Variants in SIRPA observed in about 807,000 individuals in gnomAD.
SIRPA encodes the protein signal regulatory protein alpha, also known as tyrosine-protein phosphatase non-receptor type substrate 1.
A neutral mutation model predicts 50.3 loss-of-function variants in SIRPA; 9 were observed. The observed-to-expected ratio is 0.18, with a 90% confidence interval of 0.11 to 0.31. SIRPA has a LOEUF of 0.31. Among genes scored for constraint, SIRPA ranks in the 10% least tolerant of loss-of-function variants. The pLI is 1.00. For synonymous variants in SIRPA, 265 were observed against 284.1 expected (o/e 0.93, Z 0.68); for missense variants, 474 against 661.6 (o/e 0.72, Z 3.11).
In SIRPA at chr20:1,920,440, G is replaced by A. The variant is rs573032085; in HGVS notation, c.437-955G>A. Among the ~76,000 whole-genome samples the A allele has an allele frequency of 2.3e-4, 35 of 152,306 alleles. No individual in the cohort carries two copies. In the South Asian group the frequency reaches 5.4e-3, roughly 23 times the overall value. ...ATTAGCAATTTGGAGACACGTTTACGACCCATCTGCAGGGAGAAACAGCCC... is the reference window on the plus strand; with the variant it reads ...ATTAGCAATTTGGAGACACGTTTACAACCCATCTGCAGGGAGAAACAGCCC... On this transcript the variant is annotated intron_variant, in intron 2 of 7. Transcript: ENST00000358771.
At chr20:1,915,482 C>G in intron 2 of SIRPA, 27 bp downstream of exon 2, 3 of 1,612,522 alleles carry the variant, frequency 1.9e-6, no homozygotes, top group South Asian at 1.1e-5. Flanking sequence ...CCTCCTTTGC[C>G]TCTGGTTTGT....
In SIRPA at chr20:1,921,552, G is replaced by C; in HGVS notation, c.594G>C (p.Val198=). ...GNELSDFQTN[V]DPVGESVSYS... is the part of the protein sequence containing the mutation. The stretch of plus-strand genomic sequence containing the variant: ...AGCTCTCAGACTTCCAGACCAACGT[G>C]GACCCCGTAGGAGAGAGCGTGTCCT... The change falls in exon 3 of 8, where the codon GTG becomes GTC. Residue 198 remains valine, a synonymous_variant. Coordinates refer to ENST00000358771, the MANE Select transcript of SIRPA (RefSeq NM_001040023.2). The C allele has an allele frequency of 6.2e-7, 1 of 1,614,184 alleles. No homozygotes were observed. The highest frequency in any genetic ancestry group is 8.5e-7 in the Non-Finnish European group (1 of 1,180,042).
rs764452220 is a variant in SIRPA at position 1,908,843 on chromosome 20, CAT to C, written c.80-6255_80-6254del. On this transcript the variant is annotated intron_variant, in intron 1 of 7. Coordinates refer to ENST00000358771, the MANE Select transcript of SIRPA (RefSeq NM_001040023.2). Reference sequence around the variant, plus strand: ...CTCTTTAATGCACTCTTAATGTTCACATGTTCTCTGCATAGCCCTTTATTACA... The same window carrying C: ...CTCTTTAATGCACTCTTAATGTTCACGTTCTCTGCATAGCCCTTTATTACA... 3.9e-5 allele frequency among the ~76,000 whole-genome samples: 6 copies of C among 152,318 alleles called. No individual in the cohort carries two copies. The East Asian group carries it at 7.7e-4, about 20-fold the overall frequency.
intron 1 of SIRPA, among the ~76,000 whole-genome samples, chr20:1,907,488 A>T (rs575477243): frequency 4.3e-4 from 65 of 151,974 alleles, no homozygotes; most frequent in African/African-American, 1.4e-3. Context: ...GAGTCCTGTC[A>T]CCTCTGCGTC....
Position 1,927,852 on chromosome 20 carries a change from C to T in SIRPA, c.1202-23C>T, listed in dbSNP as rs770683511. The T allele has an allele frequency of 5.0e-6, 8 of 1,613,144 alleles. No individual in the cohort carries two copies. In the South Asian group the frequency reaches 7.7e-5, roughly 16 times the overall value. ...AGTGTGCTTCTAGTTAAACAACTGG[C>T]TTTTGTTTCTTTTGTCTTTCAGCCC... On this transcript the variant is annotated intron_variant, in intron 5 of 7. Coordinates refer to ENST00000358771, the MANE Select transcript of SIRPA (RefSeq NM_001040023.2). The surrounding 1 kb of genome is among the most constrained non-coding windows in gnomAD (Gnocchi z 6.5).
intron 1 of SIRPA, among the ~76,000 whole-genome samples, chr20:1,914,591 G>A (rs979166177): frequency 6.6e-6 from 1 of 152,070 alleles, no homozygotes; most frequent in Non-Finnish European, 1.5e-5. Context: ...GGTGGCCCAA[G>A]GACACAGCTA....
At chr20:1,900,921 T>C (rs1311742537) in intron 1 of SIRPA, among the ~76,000 whole-genome samples, 2 of 152,240 alleles carry the variant, frequency 1.3e-5, no homozygotes, top group Non-Finnish European at 2.9e-5. Context: ...CCGTTGGATC[T>C]GTGAGGAAAC....
intron 2 of SIRPA, among the ~76,000 whole-genome samples, chr20:1,920,611 A>G (rs1985591828): frequency 6.6e-6 from 1 of 152,194 alleles, no homozygotes; most frequent in African/African-American, 2.4e-5. Flanking sequence ...TCTAAAACTG[A>G]CACCAAAGAA....
chr20:1,901,884 C>T (rs1984234924), intron 1 of SIRPA, among the ~76,000 whole-genome samples: 1 of 152,162 alleles, frequency 6.6e-6, no homozygotes, highest in Non-Finnish European at 1.5e-5. Flanking sequence ...GCCTCCCAGC[C>T]AGGAGGGACG....
chr20:1,937,631 C>T lies in SIRPA; in HGVS notation c.*63C>T, dbSNP rs1275393187. Reference sequence around the variant, plus strand: ...GCTTTCTTGTCCCACAGGGAGCCGCCGTGATGAGCACAGCCAACCCAGTTC... The same window carrying T: ...GCTTTCTTGTCCCACAGGGAGCCGCTGTGATGAGCACAGCCAACCCAGTTC... On this transcript the variant is annotated 3_prime_UTR_variant, in exon 8 of 8. Coordinates refer to ENST00000358771, the MANE Select transcript of SIRPA (RefSeq NM_001040023.2). The surrounding 1 kb of genome is among the most constrained non-coding windows in gnomAD (Gnocchi z 8.3). 12 of 1,577,736 alleles carry T rather than the reference C, an allele frequency of 7.6e-6. No homozygotes were observed. The highest frequency in any genetic ancestry group is 2.7e-5 in the African/African-American group (2 of 74,404).
Position 1,928,361 on chromosome 20 carries a change from G to C in SIRPA, c.1226+462G>C, listed in dbSNP as rs533671627. Among the ~76,000 whole-genome samples the C allele has an allele frequency of 1.1e-3, 172 of 152,310 alleles. No individual in the cohort carries two copies. The highest frequency in any genetic ancestry group is 1.9e-3 in the Non-Finnish European group (126 of 68,030). ...TGTGCCCTCTGCAAGCTCACAGCCTGGTCAGAGGCTCAGACGGTGACATTA... is the reference window on the plus strand; with the variant it reads ...TGTGCCCTCTGCAAGCTCACAGCCTCGTCAGAGGCTCAGACGGTGACATTA... On this transcript the variant is annotated intron_variant, in intron 6 of 7. Transcript: ENST00000358771. This position sits in a 1 kb window ranked among gnomAD's most constrained non-coding sequence, Gnocchi z 4.9.
chr20:1,895,542 C>G lies in SIRPA; in HGVS notation c.79+16C>G. 3 of 1,432,296 alleles carry G rather than the reference C, an allele frequency of 2.1e-6. No individual in the cohort carries two copies. The allele number at this position is 1,432,296 out of a possible 1,614,324, so 88.7% of individuals were successfully genotyped here. On this transcript the variant is annotated intron_variant, in intron 1 of 7. Transcript: ENST00000358771. The stretch of plus-strand genomic sequence containing the variant: ...GCCTGGTCAGGTAAGCACCCCCCCG[C>G]TCCCCACCGCTGCACTCCCCAAACT...
chr20:1,934,606 A>G lies in SIRPA; in HGVS notation c.1227-109A>G, dbSNP rs1986466398. Reference sequence around the variant, plus strand: ...TATTTCTGTTATGAGTCCTTCGTTCATGTCCTCAACCCATATAGAAAATGG... The same window carrying G: ...TATTTCTGTTATGAGTCCTTCGTTCGTGTCCTCAACCCATATAGAAAATGG... On this transcript the variant is annotated intron_variant, in intron 6 of 7. Coordinates refer to ENST00000358771, the MANE Select transcript of SIRPA (RefSeq NM_001040023.2). The surrounding 1 kb of genome is among the most constrained non-coding windows in gnomAD (Gnocchi z 4.6). The G allele has an allele frequency of 1.9e-5, 19 of 1,008,514 alleles. No individual in the cohort carries two copies. Among genetic ancestry groups the G allele is most frequent in the Non-Finnish European group, 2.9e-5 (19 of 653,026 alleles). 62.5% of individuals were successfully genotyped at this position (1,008,514 alleles called of 1,614,324 possible).
chr20:1,909,019 A>C (rs1984722123), intron 1 of SIRPA, among the ~76,000 whole-genome samples: 1 of 152,240 alleles, frequency 6.6e-6, no homozygotes, highest in Admixed American at 6.5e-5. Context: ...AAGATAGTAG[A>C]GGCAGCCCCC....
intron 1 of SIRPA, 88 bp from the exon 2 acceptor site, chr20:1,915,011 C>G (rs1985149458): frequency 9.4e-7 from 1 of 1,065,230 alleles, no homozygotes; most frequent in African/African-American, 1.6e-5. Context: ...GGTGTGCATC[C>G]AGTCAATGAA....
chr20:1,894,430 C>G (rs1028958428), upstream of SIRPA: 1 of 152,130 alleles, frequency 6.6e-6, no homozygotes, highest in Admixed American at 6.5e-5. The surrounding 1 kb of genome is among the most constrained non-coding windows in gnomAD (Gnocchi z 4.0). Flanking sequence ...CTTAGAAAAA[C>G]AAGTTTGCGC....
At chr20:1,929,748 G>A (rs1173921549) in intron 6 of SIRPA, among the ~76,000 whole-genome samples, 1 of 152,094 alleles carries the variant, frequency 6.6e-6, no homozygotes, top group Non-Finnish European at 1.5e-5. Context: ...GGGCACATGT[G>A]TTTTCCTTTT....
In SIRPA at chr20:1,927,733, G is replaced by A. The variant is rs542227974; in HGVS notation, c.1202-142G>A. Reference sequence around the variant, plus strand: ...AAGAGGATGCCCACTGGGTGGGCATGGGGGTCTCCTGTGGTTCCAAGGATG... The same window carrying A: ...AAGAGGATGCCCACTGGGTGGGCATAGGGGTCTCCTGTGGTTCCAAGGATG... On this transcript the variant is annotated intron_variant, in intron 5 of 7. Coordinates refer to ENST00000358771, the MANE Select transcript of SIRPA (RefSeq NM_001040023.2). This position sits in a 1 kb window ranked among gnomAD's most constrained non-coding sequence, Gnocchi z 6.5. The A allele has an allele frequency of 4.5e-5, 34 of 753,612 alleles. No homozygotes were observed. In the South Asian group the frequency reaches 4.7e-4, roughly 11 times the overall value. The allele number at this position is 753,612 out of a possible 1,614,324, so 46.7% of individuals were successfully genotyped here. A position where few individuals can be genotyped will look rare whatever the true frequency, so the allele number is the denominator to read the frequency against.
In SIRPA at chr20:1,915,475, C is replaced by T. The variant is rs1304446500; in HGVS notation, c.436+20C>T. 1 of 1,612,624 alleles carries T rather than the reference C, an allele frequency of 6.2e-7. No homozygotes were observed. Among genetic ancestry groups the T allele is most frequent in the East Asian group, 2.2e-5 (1 of 44,864 alleles). ...TGCGCGGTGAGTACAGCGTGGGCCT[C>T]CTTTGCCTCTGGTTTGTGACAGTAA... On this transcript the variant is annotated intron_variant, in intron 2 of 7. Coordinates refer to ENST00000358771, the MANE Select transcript of SIRPA (RefSeq NM_001040023.2).
Sources: gnomAD v4.1 joint callset for allele counts (sites outside exome capture counted in the v4.1 genomes callset) on GRCh38, gnomAD v4.1.1 for gene constraint, Gnocchi (gnomAD v3.1) non-coding constraint, MANE v1.5 for transcripts, NCBI Gene and HGNC (gene_info 2026-07-23, HGNC 2026-07-21) for gene names.